The following MS4A4A variants were observed in gnomAD, a reference collection of about 807,000 sequenced individuals.
MS4A4A encodes membrane spanning 4-domains A4A.
MS4A4A carries 26 observed loss-of-function variants against 28.0 expected under a neutral mutation model. That is an observed-to-expected ratio of 0.93 (90% CI 0.68 to 1.29). The LOEUF (loss-of-function observed/expected upper bound fraction) is 1.29, where lower values mean the gene tolerates loss of function less well. Ranked by LOEUF, MS4A4A falls within the 50% of genes most tolerant of loss-of-function variation. MS4A4A has a pLI of 0.00. For missense variants in MS4A4A, 290 were observed against 293.1 expected (o/e 0.99, Z 0.08); for synonymous variants, 86 against 100.8 (o/e 0.85, Z 0.88).
intron 1 of MS4A4A, among the ~76,000 whole-genome samples, chr11:60,283,277 G>A (rs1325366796): frequency 6.6e-6 from 1 of 152,014 alleles, no homozygotes; most frequent in African/African-American, 2.4e-5. Flanking sequence ...ATGTTCCCCA[G>A]TCTGATCTCA....
chr11:60,280,697 C>T lies in MS4A4A; in HGVS notation c.22C>T (p.His8Tyr), dbSNP rs901805139. 6.2e-7 allele frequency: 1 copy of T among 1,613,678 alleles called. No homozygotes were observed. The highest frequency in any genetic ancestry group is 8.5e-7 in the Non-Finnish European group (1 of 1,179,728). The change falls in exon 1 of 7, where the codon CAT becomes TAT. Residue 8 changes from histidine to tyrosine, a missense_variant. By Grantham distance (83) the His-to-Tyr change is moderately conservative (BLOSUM62 2). Transcript: ENST00000337908. ...CTGCATGCATCAGACCTACAGCAGA[C>T]ATTGCAGGCCTGAAGAAAGGTAGGT... is the stretch of plus-strand genomic sequence containing the variant. Reference protein sequence around the residue: MHQTYSRHCRPEESTFSA... With the variant: MHQTYSRYCRPEESTFSA...
At chr11:60,295,451 T>C (rs1046222768) in intron 2 of MS4A4A, among the ~76,000 whole-genome samples, 2 of 152,042 alleles carry the variant, frequency 1.3e-5, no homozygotes, top group Non-Finnish European at 1.5e-5. Context: ...GGCAGTTTTA[T>C]TTTTCCCTGA....
At position 60,308,094 on chromosome 11, in the gene MS4A4A, G is replaced by A. The variant is rs756909909; in HGVS notation, c.649-13G>A. The A allele has an allele frequency of 6.2e-7, 1 of 1,613,676 alleles. No homozygotes were observed. The highest frequency in any genetic ancestry group is 8.5e-7 in the Non-Finnish European group (1 of 1,179,664). ...TTGGGTGACTCACCTTTGGCATTCT[G>A]ATTGTTTCACAGGTTGTGTTAATTC... On this transcript the variant is annotated splice_polypyrimidine_tract_variant and intron_variant, in intron 6 of 6. Coordinates refer to ENST00000337908, the MANE Select transcript of MS4A4A (RefSeq NM_148975.3).
At chr11:60,297,126 T>C (rs2084911917) in intron 2 of MS4A4A, 71 bp from the exon 3 acceptor site, 7 of 1,572,042 alleles carry the variant, frequency 4.5e-6, no homozygotes, top group South Asian at 4.4e-5. Flanking sequence ...AGCTTAGTGA[T>C]TGGAAAGGGG....
intron 2 of MS4A4A, among the ~76,000 whole-genome samples, chr11:60,293,682 G>T (rs774653394): frequency 6.6e-6 from 1 of 152,284 alleles, no homozygotes; most frequent in East Asian, 1.9e-4. Flanking sequence ...TTCATAGTTT[G>T]CCTTTTCCAG....
In MS4A4A at chr11:60,306,213, C is replaced by G. The variant is rs1294612000; in HGVS notation, c.648+12C>G. ...GTACCCCTGGTGGGGTGAGTATTGG[C>G]CTTCATTTGAAGATGACTGTATTAG... On this transcript the variant is annotated intron_variant, in intron 6 of 6. Coordinates refer to ENST00000337908, the MANE Select transcript of MS4A4A (RefSeq NM_148975.3). The G allele has an allele frequency of 1.9e-6, 3 of 1,592,374 alleles. No individual in the cohort carries two copies. The Admixed American group carries it at 5.0e-5, about 27-fold the overall frequency.
chr11:60,287,635 C>T (rs2084814482), intron 1 of MS4A4A, among the ~76,000 whole-genome samples: 1 of 152,120 alleles, frequency 6.6e-6, no homozygotes, highest in South Asian at 2.1e-4. Context: ...AAATTTTTAC[C>T]CATTCCAGCA....
Position 60,299,964 on chromosome 11 carries a change from T to C in MS4A4A, c.331-1037T>C, listed in dbSNP as rs570261149. Among the ~76,000 whole-genome samples, 3 of 152,344 alleles carry C rather than the reference T, an allele frequency of 2.0e-5. No homozygotes were observed. In the South Asian group the frequency reaches 6.2e-4, roughly 32 times the overall value. ...AGGAACATCCCAAATGTTCATGATG[T>C]ATTTTATATCATATGATGGGTGATT... On this transcript the variant is annotated intron_variant, in intron 3 of 6. Transcript: ENST00000337908.
rs1316809752 is a variant in MS4A4A, at chr11:60,302,683, C to A, written c.512C>A (p.Ser171Ter). ...CCTTACTGTAACTACTATGGCAACT[C>A]AAATAATTGTCATGGGACTATGTCC... ...HHPYCNYYGN[S>*]NNCHGTMSIL... The change falls in exon 5 of 7, where the codon TCA (serine) becomes TAA (stop). Residue 171 changes from serine (S) to a stop codon, truncating the protein, a stop_gained. Coordinates refer to ENST00000337908, the MANE Select transcript of MS4A4A (RefSeq NM_148975.3). LOFTEE classifies it high-confidence loss of function. 4 of 1,613,682 alleles carry A rather than the reference C, an allele frequency of 2.5e-6. No homozygotes were observed. The highest frequency in any genetic ancestry group is 1.3e-5 in the African/African-American group (1 of 74,906).
At chr11:60,301,090 A>C (rs2084949579) in intron 4 of MS4A4A, 33 bp downstream of exon 4, 3 of 1,496,030 alleles carry the variant, frequency 2.0e-6, no homozygotes, top group Middle Eastern at 1.8e-4. Context: ...GGTATCAAAA[A>C]AAGGAAGGAT....
chr11:60,301,777 T>A (rs1219792957), intron 4 of MS4A4A, among the ~76,000 whole-genome samples: 1 of 151,932 alleles, frequency 6.6e-6, no homozygotes, highest in African/African-American at 2.4e-5. Flanking sequence ...TTTTTTCTGG[T>A]TTTTGGTTTT....
chr11:60,292,260 T>C lies in MS4A4A; in HGVS notation c.77T>C (p.Met26Thr). 8 of 1,585,376 alleles carry C rather than the reference T, an allele frequency of 5.0e-6. No individual in the cohort carries two copies. Among genetic ancestry groups the C allele is most frequent in the Non-Finnish European group, 6.0e-6 (7 of 1,169,372 alleles). The part of the protein sequence containing the change: ...FSAAMTTMQG[M>T]EQAMPGAGPG... The stretch of plus-strand genomic sequence containing the variant: ...GCTGCCATGACAACCATGCAAGGAA[T>C]GGAACAGGCCATGCCAGGGGCTGGC... The change falls in exon 2 of 7, where the codon ATG (methionine) becomes ACG (threonine). Residue 26 changes from methionine to threonine, a missense_variant. Transcript: ENST00000337908.
At chr11:60,290,283 T>C in intron 1 of MS4A4A, 1 of 186,738 alleles carries the variant, frequency 5.4e-6, no homozygotes, top group East Asian at 1.3e-4. Context: ...CTCTCATCCT[T>C]GATAAGTATA....
rs980399786 is a variant in MS4A4A at position 60,308,510 on chromosome 11, T to C, written c.*332T>C. 29 of 229,450 alleles carry C rather than the reference T, an allele frequency of 1.3e-4. No individual in the cohort carries two copies. The Admixed American group carries it at 1.5e-3, about 12-fold the overall frequency. The allele number at this position is 229,450 out of a possible 1,614,324, so 14.2% of individuals were successfully genotyped here. On this transcript the variant is annotated 3_prime_UTR_variant, in exon 7 of 7. Transcript: ENST00000337908. ...AAGAACTTTATATAAAGGCATTACA[T>C]TGGCAAATAAGGTTTGGAAGCAGAA...
intron 1 of MS4A4A, among the ~76,000 whole-genome samples, chr11:60,282,193 G>A (rs1193634090): frequency 1.3e-5 from 2 of 152,140 alleles, no homozygotes; most frequent in African/African-American, 4.8e-5. Context: ...CTCTGCCCTC[G>A]AGGAAGCTTA....
intron 1 of MS4A4A, among the ~76,000 whole-genome samples, chr11:60,286,195 A>G (rs2084802387): frequency 6.6e-6 from 1 of 152,192 alleles, no homozygotes. Flanking sequence ...TTTCCTGAAC[A>G]TCGCTGTTAT....
At chr11:60,289,587 G>A (rs2084834168) in intron 1 of MS4A4A, among the ~76,000 whole-genome samples, 1 of 86,470 alleles carries the variant, frequency 1.2e-5, no homozygotes. Flanking sequence ...GTGTGTGTGT[G>A]TGTGTGTATG....
intron 1 of MS4A4A, chr11:60,282,605 AG>A (rs1466215355): frequency 7.8e-7 from 1 of 1,284,756 alleles, no homozygotes; most frequent in African/African-American, 1.5e-5. Flanking sequence ...TGGTCACAAG[AG>A]GGGTGGAACA....
At chr11:60,295,032 G>A (rs180724105) in intron 2 of MS4A4A, among the ~76,000 whole-genome samples, 10 of 151,622 alleles carry the variant, frequency 6.6e-5, no homozygotes, top group African/African-American at 2.2e-4. Flanking sequence ...AAAATAACTT[G>A]CTGGGATTTT....
Sources: allele counts gnomAD v4.1 joint callset (sites outside exome capture counted in the v4.1 genomes callset), GRCh38; gene constraint gnomAD v4.1.1; transcripts MANE v1.5; gene names NCBI Gene and HGNC (gene_info 2026-07-23, HGNC 2026-07-21).